F11R: variants seen among roughly 807,000 people sequenced by gnomAD.
The protein encoded by F11R is junctional adhesion molecule A.
Under a neutral mutation model 39.3 loss-of-function variants are expected in F11R, and 27 were observed. That is an observed-to-expected ratio of 0.69 (90% CI 0.51 to 0.95). The LOEUF is 0.95. Ranked by LOEUF, F11R falls within the 40% of genes least tolerant of loss-of-function variation. The pLI is 0.00. For missense variants in F11R, 335 were observed against 372.7 expected (o/e 0.90, Z 0.83); for synonymous variants, 131 against 144.9 (o/e 0.90, Z 0.69).
chr1:161,010,317 G>A (rs1222966535), intron 1 of F11R, among the ~76,000 whole-genome samples: 5 of 151,162 alleles, frequency 3.3e-5, no homozygotes, highest in South Asian at 2.1e-4. Context: ...GGTGGCAGGC[G>A]CCTGTAATCC....
Position 160,999,885 on chromosome 1 carries a change from T to A in F11R, c.685A>T (p.Met229Leu). Residue 229 changes from methionine to leucine, a missense_variant, in exon 6 of 10, where the codon ATG becomes TTG. By Grantham distance (15) the Met-to-Leu change is conservative (BLOSUM62 2). Transcript: ENST00000368026. ...AAGCCCTAACTCTCACCAGCTTCCA[T>A]GCGCACAGCATTTGAAGTCATGGGT... Reference protein sequence around the residue: ...GTPMTSNAVRMEAVERNVGVI... With the variant: ...GTPMTSNAVRLEAVERNVGVI... The A allele has an allele frequency of 6.2e-7, 1 of 1,614,136 alleles. No homozygotes were observed. The highest frequency in any genetic ancestry group is 8.5e-7 in the Non-Finnish European group (1 of 1,179,984).
At position 160,997,670 on chromosome 1, in the gene F11R, C is replaced by T. The variant is rs1648207750; in HGVS notation, c.*1201G>A. 6.5e-6 allele frequency: 1 copy of T among 152,756 alleles called. No homozygotes were observed. Among genetic ancestry groups the T allele is most frequent in the South Asian group, 2.1e-4 (1 of 4,834 alleles). The allele number at this position is 152,756 out of a possible 1,614,324, so 9.5% of individuals were successfully genotyped here. ...CCTAGGAACCCTCAAAGACCTTTTC[C>T]CCTACTTACTTCCCACAAAAAAGAG... On this transcript the variant is annotated 3_prime_UTR_variant, in exon 10 of 10. Transcript: ENST00000368026.
intron 1 of F11R, among the ~76,000 whole-genome samples, chr1:161,020,426 G>C (rs1325803577): frequency 1.3e-5 from 2 of 152,182 alleles, no homozygotes; most frequent in African/African-American, 4.8e-5. Context: ...GGTTTCTATT[G>C]CATTTCCTCT....
rs138194205 is a variant in F11R, at chr1:161,001,299, A to G, written c.119T>C (p.Ile40Thr). ...TCCCAACTCACGATTATTCTCAGGA[A>G]TTCTGACTTCAGGTTCAGAAGAGTG... is the stretch of plus-strand genomic sequence containing the variant. ...TVHSSEPEVRIPENNPVKLSC... is the reference protein window; with the variant it reads ...TVHSSEPEVRTPENNPVKLSC... The change falls in exon 2 of 10, where the codon ATT (isoleucine) becomes ACT (threonine). Residue 40 changes from isoleucine to threonine, a missense_variant. By Grantham distance (89) the Ile-to-Thr change is moderately conservative. Coordinates refer to ENST00000368026, the MANE Select transcript of F11R (RefSeq NM_016946.6). 1.7e-5 allele frequency: 27 copies of G among 1,613,980 alleles called. No individual in the cohort carries two copies. In the African/African-American group the frequency reaches 3.3e-4, roughly 20 times the overall value.
chr1:160,998,761 G>A lies in F11R; in HGVS notation c.*110C>T. 2 of 1,032,394 alleles carry A rather than the reference G, an allele frequency of 1.9e-6. No homozygotes were observed. The highest frequency in any genetic ancestry group is 2.6e-5 in the South Asian group (2 of 76,440). 64.0% of individuals were successfully genotyped at this position (1,032,394 alleles called of 1,614,324 possible). ...ATCCGAAGAAGTAGGGGGCCCTGTG[G>A]GGTGTAGAAGACAAATAAGGCATCC... On this transcript the variant is annotated 3_prime_UTR_variant, in exon 10 of 10. Coordinates refer to ENST00000368026, the MANE Select transcript of F11R (RefSeq NM_016946.6).
At chr1:161,002,261 C>CAAAAAA (rs34007325) in intron 1 of F11R, among the ~76,000 whole-genome samples, 4 of 68,638 alleles carry the variant, frequency 5.8e-5, no homozygotes, top group African/African-American at 1.2e-4. Context: ...GACTCAATCT[C>CAAAAAA]AAAAAAAAAA....
Position 161,021,027 on chromosome 1 carries a change from A to C in F11R, c.47T>G (p.Ile16Arg), listed in dbSNP as rs1007498330. 1.2e-6 allele frequency: 2 copies of C among 1,614,138 alleles called. No individual in the cohort carries two copies. Among genetic ancestry groups the C allele is most frequent in the Non-Finnish European group, 1.7e-6 (2 of 1,180,022 alleles). The change falls in exon 1 of 10, where the codon ATA becomes AGA. Residue 16 changes from isoleucine (I) to arginine (R), a missense_variant. Physicochemically the swap from Ile to Arg is moderately conservative, Grantham distance 97 (BLOSUM62 -3). Transcript: ENST00000368026. Reference protein sequence around the residue: ...QVERKLLCLFILAILLCSLAL... With the variant: ...QVERKLLCLFRLAILLCSLAL... ...GAACTTACACAACAGGATCGCCAAT[A>C]TGAAGAGGCACAACAGTTTCCTCTC...
chr1:160,998,733 C>T lies in F11R; in HGVS notation c.*138G>A, dbSNP rs1648271165. ...GGCACATAGCTGACATTATTAAAAACACATCCGAAGAAGTAGGGGGCCCTG... is the reference window on the plus strand; with the variant it reads ...GGCACATAGCTGACATTATTAAAAATACATCCGAAGAAGTAGGGGGCCCTG... On this transcript the variant is annotated 3_prime_UTR_variant, in exon 10 of 10. Transcript: ENST00000368026. 1.3e-6 allele frequency: 1 copy of T among 768,046 alleles called. No individual in the cohort carries two copies. Among genetic ancestry groups the T allele is most frequent in the Non-Finnish European group, 2.2e-6 (1 of 453,944 alleles). The allele number at this position is 768,046 out of a possible 1,614,324, so 47.6% of individuals were successfully genotyped here.
chr1:161,016,523 G>T (rs1251363393), intron 1 of F11R, among the ~76,000 whole-genome samples: 1 of 152,064 alleles, frequency 6.6e-6, no homozygotes, highest in Non-Finnish European at 1.5e-5. Flanking sequence ...CGGGCGTGGT[G>T]GCGCGTGCCT....
chr1:161,000,656 C>T lies in F11R; in HGVS notation c.363G>A (p.Glu121=). The change falls in exon 4 of 10, where the codon GAG becomes GAA. Residue 121 remains glutamate, a synonymous_variant. Coordinates refer to ENST00000368026, the MANE Select transcript of F11R (RefSeq NM_016946.6). The part of the protein sequence containing the change: ...VSEEGGNSYG[E]VKVKLIVLVP... ...CAAGCACGATGAGCTTGACCTTGAC[C>T]TCCCCATAGCTGTTGCCGCCTTCCT... 1 of 1,614,180 alleles carries T rather than the reference C, an allele frequency of 6.2e-7. No individual in the cohort carries two copies. The highest frequency in any genetic ancestry group is 2.2e-5 in the East Asian group (1 of 44,890).
chr1:161,007,852 C>T (rs1648914469), intron 1 of F11R, among the ~76,000 whole-genome samples: 1 of 152,168 alleles, frequency 6.6e-6, no homozygotes, highest in Non-Finnish European at 1.5e-5. Flanking sequence ...AAGGCGGCCC[C>T]TTCTCTAGAA....
chr1:161,018,752 C>A (rs573722268), intron 1 of F11R, among the ~76,000 whole-genome samples: 1 of 152,258 alleles, frequency 6.6e-6, no homozygotes, highest in South Asian at 2.1e-4. Flanking sequence ...CTCCCCCAAC[C>A]CAACCCCAGA....
intron 1 of F11R, among the ~76,000 whole-genome samples, chr1:161,004,191 CT>C (rs1002229547): frequency 3.7e-4 from 57 of 152,288 alleles, no homozygotes; most frequent in South Asian, 6.2e-4. Flanking sequence ...AGCAGTTCTC[CT>C]GCCTTGGCCT....
intron 8 of F11R, 93 bp downstream of exon 8, chr1:160,999,303 C>G: frequency 6.4e-7 from 1 of 1,569,454 alleles, no homozygotes; most frequent in South Asian, 1.1e-5. Context: ...GTTGCTTCTG[C>G]CTTCAACCCA....
rs766433846 is a variant in F11R at position 161,001,244 on chromosome 1, A to G, written c.133+41T>C. On this transcript the variant is annotated intron_variant, in intron 2 of 9. Coordinates refer to ENST00000368026, the MANE Select transcript of F11R (RefSeq NM_016946.6). ...TCTCTAGATCCCCAGGCGGCCGGCAACTGCTCACCCTCACACCCTCCATGG... is the reference window on the plus strand; with the variant it reads ...TCTCTAGATCCCCAGGCGGCCGGCAGCTGCTCACCCTCACACCCTCCATGG... The G allele has an allele frequency of 6.2e-6, 10 of 1,609,502 alleles. No homozygotes were observed. In the South Asian group the frequency reaches 6.6e-5, roughly 11 times the overall value.
rs564596850 is a variant in F11R at position 160,995,897 on chromosome 1, C to G, written c.*2974G>C. ...GAACAACAAACACATCCTTAACACTCAATCATTTTATCCCAGATTATGCTG... is the reference window on the plus strand; with the variant it reads ...GAACAACAAACACATCCTTAACACTGAATCATTTTATCCCAGATTATGCTG... On this transcript the variant is annotated 3_prime_UTR_variant, in exon 10 of 10. Coordinates refer to ENST00000368026, the MANE Select transcript of F11R (RefSeq NM_016946.6). The G allele has an allele frequency of 1.3e-5, 2 of 152,286 alleles. No homozygotes were observed. The highest frequency in any genetic ancestry group is 1.3e-4 in the Admixed American group (2 of 15,270). 9.4% of individuals were successfully genotyped at this position (152,286 alleles called of 1,614,324 possible). A position where few individuals can be genotyped will look rare whatever the true frequency, so the allele number is the denominator to read the frequency against.
chr1:161,016,349 G>A (rs541548292), intron 1 of F11R, among the ~76,000 whole-genome samples: 9 of 152,154 alleles, frequency 5.9e-5, no homozygotes, highest in South Asian at 2.1e-4. Context: ...GGTGGCGGGC[G>A]CCTGTAGTCC....
chr1:161,014,913 C>A (rs368009760), intron 1 of F11R, among the ~76,000 whole-genome samples: 64 of 134,652 alleles, frequency 4.8e-4, no homozygotes, highest in Non-Finnish European at 4.8e-4. Context: ...ACTAAAAATA[C>A]AAAAAAAAAA....
At chr1:161,001,601 A>G (rs1420936223) in intron 1 of F11R, among the ~76,000 whole-genome samples, 1 of 152,180 alleles carries the variant, frequency 6.6e-6, no homozygotes, top group Non-Finnish European at 1.5e-5. Flanking sequence ...TTTTGCTTCT[A>G]ATTTTTCTCT....
Sources: allele counts gnomAD v4.1 joint callset (sites outside exome capture counted in the v4.1 genomes callset), GRCh38; gene constraint gnomAD v4.1.1; transcripts MANE v1.5; gene names NCBI Gene and HGNC (gene_info 2026-07-23, HGNC 2026-07-21).